Variants in MYO5A observed in about 807,000 individuals in gnomAD.
The protein encoded by MYO5A is myosin VA.
MYO5A carries 98 observed loss-of-function variants against 249.7 expected under a neutral mutation model. The ratio of observed to expected loss-of-function variants is 0.39; its 90% CI spans 0.33 to 0.46. MYO5A has a LOEUF of 0.46. Ranked by LOEUF, MYO5A falls within the 20% of genes least tolerant of loss-of-function variation. The pLI, the probability that MYO5A is intolerant of heterozygous loss-of-function variation, is 0.98. For synonymous variants in MYO5A, 778 were observed against 810.6 expected (o/e 0.96, Z 0.68); for missense variants, 1,696 against 2,308.8 (o/e 0.73, Z 5.44).
intron 1 of MYO5A, among the ~76,000 whole-genome samples, chr15:52,491,601 T>A (rs1216086236): frequency 6.6e-6 from 1 of 152,140 alleles, no homozygotes; most frequent in African/African-American, 2.4e-5. Context: ...GTAACATGAG[T>A]CAGGCTCCAA....
chr15:52,313,870 A>T (rs779033243), intron 41 of MYO5A, 22 bp from the exon 42 acceptor site: 1 of 1,613,126 alleles, frequency 6.2e-7, no homozygotes, highest in South Asian at 1.1e-5. Flanking sequence ...AGGAAAAAAA[A>T]TAAACAGAGC....
rs751380178 is a variant in MYO5A at position 52,376,416 on chromosome 15, T to C, written c.2351A>G (p.Lys784Arg). 15 of 1,614,066 alleles carry C rather than the reference T, an allele frequency of 9.3e-6. No individual in the cohort carries two copies. The Admixed American group carries it at 1.8e-4, about 20-fold the overall frequency. Residue 784 changes from lysine to arginine, a missense_variant, in exon 19 of 42, where the codon AAG becomes AGG. Coordinates refer to ENST00000399233, the MANE Select transcript of MYO5A (RefSeq NM_001382347.1). Reference protein sequence around the residue: ...QKTIRGWLLRKKYLRMRKAAI... With the variant: ...QKTIRGWLLRRKYLRMRKAAI... ...TGCCTTCCGCATGCGTAGGTACTTCTTTCTCAGCAGCCACCCTCGGATGGT... is the reference window on the plus strand; with the variant it reads ...TGCCTTCCGCATGCGTAGGTACTTCCTTCTCAGCAGCCACCCTCGGATGGT...
intron 1 of MYO5A, among the ~76,000 whole-genome samples, chr15:52,502,485 A>C (rs1174316552): frequency 1.3e-5 from 2 of 152,222 alleles, no homozygotes; most frequent in African/African-American, 4.8e-5. Context: ...GTAATTGCAG[A>C]CTTGCCATAT....
intron 1 of MYO5A, among the ~76,000 whole-genome samples, chr15:52,486,600 G>A (rs963485288): frequency 6.7e-6 from 1 of 150,008 alleles, no homozygotes; most frequent in East Asian, 1.9e-4. Flanking sequence ...AGAGACTCTT[G>A]GGGATTTTTT....
chr15:52,444,944 C>A (rs1595696503), intron 1 of MYO5A, among the ~76,000 whole-genome samples: 1 of 152,272 alleles, frequency 6.6e-6, no homozygotes, highest in African/African-American at 2.4e-5. Context: ...GATAAGGTGC[C>A]AAAACAGTAC....
chr15:52,438,632 A>G (rs1285401812), intron 1 of MYO5A, among the ~76,000 whole-genome samples: 1 of 152,204 alleles, frequency 6.6e-6, no homozygotes, highest in Non-Finnish European at 1.5e-5. Flanking sequence ...CTAAAATGCT[A>G]ATTAGGCAAA....
intron 4 of MYO5A, among the ~76,000 whole-genome samples, chr15:52,422,937 T>C (rs1426602316): frequency 6.6e-6 from 1 of 152,038 alleles, no homozygotes. Context: ...CAGGCTGGAG[T>C]GTGGTAGCAC....
At chr15:52,373,323 A>G (rs886394573) in intron 20 of MYO5A, among the ~76,000 whole-genome samples, 2 of 152,226 alleles carry the variant, frequency 1.3e-5, no homozygotes, top group Non-Finnish European at 2.9e-5. Context: ...AGAGGTAGCC[A>G]GGCACAGTGA....
rs575525446 is a variant in MYO5A, at chr15:52,410,561, G to A, written c.613-85C>T. 23 of 1,316,534 alleles carry A rather than the reference G, an allele frequency of 1.7e-5. No individual in the cohort carries two copies. The East Asian group carries it at 4.9e-4, about 28-fold the overall frequency. 81.6% of individuals were successfully genotyped at this position (1,316,534 alleles called of 1,614,324 possible). A position where few individuals can be genotyped will look rare whatever the true frequency, so the allele number is the denominator to read the frequency against. On this transcript the variant is annotated intron_variant, in intron 5 of 41. Coordinates refer to ENST00000399233, the MANE Select transcript of MYO5A (RefSeq NM_001382347.1). ...GAATCTGCTCAGAGAGAGAAAAGAT[G>A]GAGTAGAACACAGGTCCTTAAAATT...
At chr15:52,333,634 T>C (rs762273539) in intron 34 of MYO5A, among the ~76,000 whole-genome samples, 2 of 152,172 alleles carry the variant, frequency 1.3e-5, no homozygotes, top group Non-Finnish European at 1.5e-5. Flanking sequence ...GCAGATCAAA[T>C]TTTGAAACAC....
At chr15:52,524,423 A>T (rs986177034) in intron 1 of MYO5A, among the ~76,000 whole-genome samples, 1 of 151,746 alleles carries the variant, frequency 6.6e-6, no homozygotes, top group Non-Finnish European at 1.5e-5. Flanking sequence ...GTTTGGTAGC[A>T]CATGCCTGTA....
In MYO5A at chr15:52,383,128, G is replaced by A. The variant is rs762594836; in HGVS notation, c.1975C>T (p.Arg659Cys). Reference sequence around the variant, plus strand: ...TTGAAGTCATTAGGCTTGATACAGCGCACATAGTGAGGGGTAGTGGCATTG... The same window carrying A: ...TTGAAGTCATTAGGCTTGATACAGCACACATAGTGAGGGGTAGTGGCATTG... ...TLNATTPHYVRCIKPNDFKFP... is the reference protein window; with the variant it reads ...TLNATTPHYVCCIKPNDFKFP... Residue 659 changes from arginine to cysteine, a missense_variant, in exon 16 of 42, where the codon CGC becomes TGC. By Grantham distance (180) the Arg-to-Cys change is radical. Around this residue, in one of 5 missense-constraint regions of MYO5A, gnomAD observed 277 missense variants for 422.4 expected, o/e 0.66. Coordinates refer to ENST00000399233, the MANE Select transcript of MYO5A (RefSeq NM_001382347.1). The A allele has an allele frequency of 6.2e-7, 1 of 1,613,930 alleles. No individual in the cohort carries two copies. Among genetic ancestry groups the A allele is most frequent in the Non-Finnish European group, 8.5e-7 (1 of 1,179,860 alleles).
chr15:52,455,772 T>TA (rs35470827), intron 1 of MYO5A, among the ~76,000 whole-genome samples: 75 of 146,664 alleles, frequency 5.1e-4, no homozygotes, highest in African/African-American at 1.4e-3. Flanking sequence ...CCCTTCATGA[T>TA]AAAAAAAAAA....
In MYO5A at chr15:52,339,203, G is replaced by T. The variant is rs144225715; in HGVS notation, c.4239+993C>A. Among the ~76,000 whole-genome samples the T allele has an allele frequency of 2.0e-4, 30 of 152,204 alleles. No individual in the cohort carries two copies. The East Asian group carries it at 5.0e-3, about 25-fold the overall frequency. ...AAAGATGGTTGAATAAATGACACTA[G>T]AAAACTGTTTGTAATGTAAATTATC... On this transcript the variant is annotated intron_variant, in intron 32 of 41. Coordinates refer to ENST00000399233, the MANE Select transcript of MYO5A (RefSeq NM_001382347.1).
chr15:52,448,957 C>CTTTTTTTTTTTTTTTTTT (rs145765339), intron 1 of MYO5A, among the ~76,000 whole-genome samples: 4 of 55,592 alleles, frequency 7.2e-5, no homozygotes, highest in Non-Finnish European at 1.3e-4. Context: ...TCTTGTCTTT[C>CTTTTTTTTTTTTTTTTTT]TTTTTTTTTT....
intron 11 of MYO5A, among the ~76,000 whole-genome samples, chr15:52,395,759 C>T (rs1217806148): frequency 6.6e-6 from 1 of 152,174 alleles, no homozygotes; most frequent in African/African-American, 2.4e-5. Flanking sequence ...TTCACTATTA[C>T]AATCTGCTGC....
intron 4 of MYO5A, among the ~76,000 whole-genome samples, chr15:52,422,399 T>G (rs1423432260): frequency 6.6e-6 from 1 of 152,106 alleles, no homozygotes; most frequent in African/African-American, 2.4e-5. Flanking sequence ...CCCTTCCCCC[T>G]ACTCCCCACC....
At chr15:52,508,686 G>T (rs149257332) in intron 1 of MYO5A, among the ~76,000 whole-genome samples, 1 of 151,832 alleles carries the variant, frequency 6.6e-6, no homozygotes, top group Non-Finnish European at 1.5e-5. Context: ...ACACACATGT[G>T]GTTAATTATA....
At chr15:52,421,128 TA>T (rs982896276) in intron 4 of MYO5A, among the ~76,000 whole-genome samples, 17 of 152,208 alleles carry the variant, frequency 1.1e-4, no homozygotes, top group African/African-American at 3.4e-4. Flanking sequence ...ATGTATTACT[TA>T]AAGCCTATTT....
Sources: gnomAD v4.1 joint callset for allele counts (sites outside exome capture counted in the v4.1 genomes callset) on GRCh38, gnomAD v4.1.1 for gene constraint, gnomAD v4.1.1 regional missense constraint, MANE v1.5 for transcripts, NCBI Gene and HGNC (gene_info 2026-07-23, HGNC 2026-07-21) for gene names.